PKIG: variants seen among roughly 807,000 people sequenced by gnomAD.
The protein encoded by PKIG is cAMP-dependent protein kinase inhibitor gamma.
PKIG carries 1 observed loss-of-function variant against 6.8 expected under a neutral mutation model. That is an observed-to-expected ratio of 0.15 (90% CI 0.05 to 0.69). The LOEUF is 0.69. PKIG is among the 30% of genes least tolerant of loss of function. The pLI, the probability that PKIG is intolerant of heterozygous loss-of-function variation, is 0.82. For missense variants in PKIG, 77 were observed against 104.0 expected, an observed-to-expected ratio of 0.74 and a Z score of 1.13; for synonymous variants, 39 against 43.0, an observed-to-expected ratio of 0.91 and a Z score of 0.36.
At chr20:44,581,190 G>A (rs906889549), upstream of PKIG, among the ~76,000 whole-genome samples, 4 of 152,170 alleles carry the variant, frequency 2.6e-5, no homozygotes, top group Non-Finnish European at 5.9e-5. Context: ...CTCTGTATAT[G>A]TCTTCTTATC....
chr20:44,576,660 C>A (rs968140835), intron 1 of PKIG, among the ~76,000 whole-genome samples: 6 of 152,088 alleles, frequency 3.9e-5, no homozygotes, highest in African/African-American at 1.2e-4. Flanking sequence ...ATTCCTCACC[C>A]CTAAAATGAG....
At chr20:44,572,037 T>C (rs963433316) in intron 1 of PKIG, among the ~76,000 whole-genome samples, 3 of 152,248 alleles carry the variant, frequency 2.0e-5, no homozygotes, top group Non-Finnish European at 4.4e-5. Flanking sequence ...GGAGTCTCGC[T>C]CTGTTGCCCA....
chr20:44,584,675 A>G (rs1446858784), intron 1 of PKIG, among the ~76,000 whole-genome samples: 1 of 150,294 alleles, frequency 6.7e-6, no homozygotes, highest in African/African-American at 2.4e-5. Context: ...ATTTGTTTGA[A>G]TTAAGGTCCT....
intron 1 of PKIG, among the ~76,000 whole-genome samples, chr20:44,540,647 C>T (rs1388660197): frequency 4.0e-5 from 6 of 151,836 alleles, no homozygotes; most frequent in South Asian, 4.2e-4. Context: ...GGCATGATGT[C>T]GACTCACTGC....
chr20:44,592,301 G>C (rs1445169666), intron 2 of PKIG, among the ~76,000 whole-genome samples: 2 of 152,150 alleles, frequency 1.3e-5, no homozygotes, highest in African/African-American at 4.8e-5. Flanking sequence ...CTGCCATTCT[G>C]CTGGTGCTCC....
At chr20:44,567,352 A>G (rs899683895) in intron 1 of PKIG, among the ~76,000 whole-genome samples, 4 of 152,222 alleles carry the variant, frequency 2.6e-5, no homozygotes, top group African/African-American at 9.6e-5. Context: ...AAGCTCCTTG[A>G]AGGAGGGCTC....
At chr20:44,584,849 G>A (rs2064977162) in intron 1 of PKIG, among the ~76,000 whole-genome samples, 2 of 151,662 alleles carry the variant, frequency 1.3e-5, no homozygotes, top group South Asian at 2.1e-4. Flanking sequence ...TCAGCCCCTC[G>A]AATAGCTGGG....
At chr20:44,535,828 T>A (rs967708501) in intron 1 of PKIG, among the ~76,000 whole-genome samples, 38 of 152,226 alleles carry the variant, frequency 2.5e-4, no homozygotes, top group Non-Finnish European at 1.0e-4. Flanking sequence ...GTGATAAAAT[T>A]TACCATCTTA....
intron 1 of PKIG, among the ~76,000 whole-genome samples, chr20:44,542,295 T>G (rs2064569246): frequency 6.6e-6 from 1 of 152,162 alleles, no homozygotes; most frequent in African/African-American, 2.4e-5. Context: ...GAGTTAATTG[T>G]TATAAAGCTT....
At chr20:44,575,726 C>T (rs1009757395) in intron 1 of PKIG, among the ~76,000 whole-genome samples, 2 of 152,088 alleles carry the variant, frequency 1.3e-5, no homozygotes, top group Admixed American at 1.3e-4. Context: ...CAATCCTAGG[C>T]AGTTCATTCA....
intron 1 of PKIG, among the ~76,000 whole-genome samples, chr20:44,558,118 A>AT (rs1251270249): frequency 6.6e-6 from 1 of 152,112 alleles, no homozygotes; most frequent in African/African-American, 2.4e-5. Flanking sequence ...CATACTGTAA[A>AT]TGTGTTTCTG....
At position 44,618,315 on chromosome 20, in the gene PKIG, A is replaced by G. The variant is rs1479062670; in HGVS notation, c.182A>G (p.Lys61Arg). Residue 61 changes from lysine (K) to arginine (R), a missense_variant, in exon 4 of 4, where the codon AAG becomes AGG. Physicochemically the swap from Lys to Arg is conservative, Grantham distance 26 (BLOSUM62 2). Coordinates refer to ENST00000372886, the MANE Select transcript of PKIG (RefSeq NM_001281445.2). ...EGQVEGSAPD[K>R]EAGNQPQSSD... ...CAGGTGGAGGGAAGCGCCCCAGACA[A>G]GGAAGCTGGCAACCAGCCCCAGAGC... 2.5e-6 allele frequency: 4 copies of G among 1,613,570 alleles called. No homozygotes were observed. The South Asian group carries it at 3.3e-5, about 13-fold the overall frequency.
chr20:44,616,746 G>A (rs2065268282), intron 3 of PKIG, among the ~76,000 whole-genome samples: 1 of 152,238 alleles, frequency 6.6e-6, no homozygotes, highest in Non-Finnish European at 1.5e-5. Context: ...GAAGCCCGCA[G>A]GGAGCAGTTC....
chr20:44,561,027 A>G (rs892261420), intron 1 of PKIG, among the ~76,000 whole-genome samples: 3 of 152,252 alleles, frequency 2.0e-5, no homozygotes, highest in Non-Finnish European at 2.9e-5. Flanking sequence ...GCAAAAAGAA[A>G]TAGAAGCCAA....
intron 1 of PKIG, among the ~76,000 whole-genome samples, chr20:44,537,113 A>AT (rs939925372): frequency 2.7e-5 from 4 of 150,538 alleles, no homozygotes; most frequent in African/African-American, 4.9e-5. Flanking sequence ...TATTATTATT[A>AT]TTTTTTTTGA....
At chr20:44,592,391 C>T (rs1698240312) in intron 2 of PKIG, among the ~76,000 whole-genome samples, 1 of 152,186 alleles carries the variant, frequency 6.6e-6, no homozygotes, top group Non-Finnish European at 1.5e-5. Context: ...AAATCCTGTA[C>T]AGAGCCCTCA....
chr20:44,613,739 C>G (rs2065239616), intron 2 of PKIG, among the ~76,000 whole-genome samples: 1 of 152,184 alleles, frequency 6.6e-6, no homozygotes, highest in Non-Finnish European at 1.5e-5. Flanking sequence ...CAGGAGCCTC[C>G]TAACTTGCCC....
intron 2 of PKIG, among the ~76,000 whole-genome samples, chr20:44,591,618 T>A (rs1461706809): frequency 1.3e-3 from 1 of 750 alleles, no homozygotes; most frequent in Non-Finnish European, 2.5e-3. Flanking sequence ...GCTGGGTGGG[T>A]GGGTGGGGGC....
At chr20:44,594,454 A>C (rs564945050) in intron 2 of PKIG, among the ~76,000 whole-genome samples, 1 of 152,212 alleles carries the variant, frequency 6.6e-6, no homozygotes, top group Non-Finnish European at 1.5e-5. Context: ...TCAGGTTCCT[A>C]GGAGGAAAGG....
Sources: gnomAD v4.1 joint callset for allele counts (sites outside exome capture counted in the v4.1 genomes callset) on GRCh38, gnomAD v4.1.1 for gene constraint, MANE v1.5 for transcripts, NCBI Gene and HGNC (gene_info 2026-07-23, HGNC 2026-07-21) for gene names.